SVEP1: variants seen among roughly 807,000 people sequenced by gnomAD.
SVEP1 encodes the protein sushi, von Willebrand factor type A, EGF and pentraxin domain containing 1.
A neutral mutation model predicts 367.3 loss-of-function variants in SVEP1; 164 were observed. That is an observed-to-expected ratio of 0.45 (90% CI 0.39 to 0.51). The LOEUF (loss-of-function observed/expected upper bound fraction) is 0.51. SVEP1 is among the 20% of genes least tolerant of loss of function. SVEP1 has a pLI of 0.00. For missense variants in SVEP1, 4,117 were observed against 4,425.3 expected, an observed-to-expected ratio of 0.93 and a Z score of 1.98; for synonymous variants, 1,666 against 1,611.6, an observed-to-expected ratio of 1.03 and a Z score of -0.81.
At chr9:110,556,105 C>T (rs1037760425) in intron 1 of SVEP1, among the ~76,000 whole-genome samples, 1 of 152,138 alleles carries the variant, frequency 6.6e-6, no homozygotes, top group Non-Finnish European at 1.5e-5. Flanking sequence ...AAGGTTATCA[C>T]CATCTGTATT....
intron 1 of SVEP1, among the ~76,000 whole-genome samples, chr9:110,562,440 T>G (rs1353431550): frequency 6.6e-6 from 1 of 152,150 alleles, no homozygotes; most frequent in Non-Finnish European, 1.5e-5. Flanking sequence ...AAATCAAAGA[T>G]ATTAGAGAAA....
At position 110,404,265 on chromosome 9, in the gene SVEP1, T is replaced by C. The variant is rs1045094192; in HGVS notation, c.9666+62A>G. 31 of 1,507,896 alleles carry C rather than the reference T, an allele frequency of 2.1e-5. 1 individual carries two copies. The African/African-American group carries it at 4.1e-4, about 20-fold the overall frequency. 93.4% of individuals were successfully genotyped at this position (1,507,896 alleles called of 1,614,324 possible). On this transcript the variant is annotated intron_variant, in intron 39 of 47. Coordinates refer to ENST00000374469, the MANE Select transcript of SVEP1 (RefSeq NM_153366.4). ...TTTTTGGGATTACTATTATAGATAC[T>C]GCTTGCTTGGCAATATATGTATATG...
intron 1 of SVEP1, among the ~76,000 whole-genome samples, chr9:110,552,175 G>A (rs1443388861): frequency 6.6e-6 from 1 of 151,820 alleles, no homozygotes; most frequent in Non-Finnish European, 1.5e-5. Context: ...GGGACTACAG[G>A]CACATACCAC....
Position 110,400,857 on chromosome 9 carries a change from T to C in SVEP1, c.9819A>G (p.Leu3273=), listed in dbSNP as rs781610300. ...IIYQCEPGYE[L]EGNRERVCQE... ...GTTAAACAATTTGTTCGCTTACCTC[T>C]AGTTCATAGCCAGGCTCACACTGAT... The change falls in exon 40 of 48, where the codon CTA becomes CTG. Residue 3273 remains leucine (L), a synonymous_variant. Transcript: ENST00000374469. 6.2e-6 allele frequency: 10 copies of C among 1,611,370 alleles called. No individual in the cohort carries two copies. Among genetic ancestry groups the C allele is most frequent in the Non-Finnish European group, 7.6e-6 (9 of 1,179,044 alleles).
Position 110,406,515 on chromosome 9 carries a change from G to C in SVEP1, c.9085C>G (p.Arg3029Gly), listed in dbSNP as rs780874191. ...GTDFDCGKAARIQCFKGFKLL... is the reference protein window; with the variant it reads ...GTDFDCGKAAGIQCFKGFKLL... ...TTGAAGCCTTTGAAGCACTGAATCCGGGCTGCCTTTCCACAGTCAAAATCT... is the reference window on the plus strand; with the variant it reads ...TTGAAGCCTTTGAAGCACTGAATCCCGGCTGCCTTTCCACAGTCAAAATCT... Residue 3029 changes from arginine (R) to glycine (G), a missense_variant, in exon 38 of 48, where the codon CGG (arginine) becomes GGG (glycine). Physicochemically the swap from Arg to Gly is moderately radical, Grantham distance 125. Around this residue, in one of 4 missense-constraint regions of SVEP1, gnomAD observed 1,765 missense variants for 1,781.1 expected, o/e 0.99. Coordinates refer to ENST00000374469, the MANE Select transcript of SVEP1 (RefSeq NM_153366.4). 19 of 1,613,614 alleles carry C rather than the reference G, an allele frequency of 1.2e-5. No homozygotes were observed. Among genetic ancestry groups the C allele is most frequent in the Non-Finnish European group, 1.6e-5 (19 of 1,179,810 alleles).
intron 4 of SVEP1, 58 bp downstream of exon 4, chr9:110,513,890 A>G (rs1829759709): frequency 4.5e-6 from 7 of 1,541,628 alleles, no homozygotes; most frequent in Admixed American, 1.9e-5. Flanking sequence ...CACAAGCACT[A>G]TTTCTCTCAG....
At chr9:110,550,478 TTATCTATCTATCTATCTATCTATC>T (rs10550734) in intron 1 of SVEP1, among the ~76,000 whole-genome samples, 1 of 148,844 alleles carries the variant, frequency 6.7e-6, no homozygotes, top group East Asian at 2.0e-4. Flanking sequence ...ATTCCACAAA[TTATCTATCTATCTATCTATCTATC>T]TATCTATCTA....
intron 16 of SVEP1, among the ~76,000 whole-genome samples, chr9:110,469,354 T>C (rs1349621745): frequency 6.6e-6 from 1 of 152,156 alleles, no homozygotes; most frequent in Non-Finnish European, 1.5e-5. Flanking sequence ...GCTTATATAA[T>C]GGGGGTTTAA....
chr9:110,399,533 TTTTTTG>T (rs1247955738), intron 40 of SVEP1, among the ~76,000 whole-genome samples: 9 of 152,014 alleles, frequency 5.9e-5, no homozygotes, highest in Admixed American at 2.6e-4. Flanking sequence ...GATGAATACT[TTTTTTG>T]TTTTTGTTTT....
intron 1 of SVEP1, among the ~76,000 whole-genome samples, chr9:110,559,667 A>C (rs188407793): frequency 6.6e-6 from 1 of 152,134 alleles, no homozygotes; most frequent in Non-Finnish European, 1.5e-5. Context: ...AAGCCTTAAA[A>C]TTTTCACATG....
chr9:110,514,143 G>T (rs901884386), intron 3 of SVEP1, 37 bp from the exon 4 acceptor site: 4 of 1,594,062 alleles, frequency 2.5e-6, no homozygotes, highest in Non-Finnish European at 3.4e-6. Context: ...CATGTTATGT[G>T]GCACATCAGC....
chr9:110,390,241 G>GTATATATACTTATATATATACATACT (rs1564127391), intron 40 of SVEP1, among the ~76,000 whole-genome samples: 1 of 52,646 alleles, frequency 1.9e-5, no homozygotes, highest in Non-Finnish European at 3.7e-5. Flanking sequence ...ATAAGTATGT[G>GTATATATACTTATATATATACATACT]TATATATACT....
At chr9:110,400,370 CT>C (rs112666557) in intron 40 of SVEP1, among the ~76,000 whole-genome samples, 26 of 147,090 alleles carry the variant, frequency 1.8e-4, no homozygotes, top group East Asian at 5.9e-4. Context: ...ACTTATTTTG[CT>C]TTTTTTTTTT....
At chr9:110,506,763 G>C (rs1003795889) in intron 5 of SVEP1, among the ~76,000 whole-genome samples, 1 of 151,990 alleles carries the variant, frequency 6.6e-6, no homozygotes, top group East Asian at 1.9e-4. Context: ...AGGGAGGAGC[G>C]TAAAGGAGAA....
chr9:110,365,380 G>A lies in SVEP1; in HGVS notation c.*1159C>T, dbSNP rs1827182567. 1 of 152,210 alleles carries A rather than the reference G, an allele frequency of 6.6e-6. No homozygotes were observed. Among genetic ancestry groups the A allele is most frequent in the Non-Finnish European group, 1.5e-5 (1 of 68,050 alleles). 9.4% of individuals were successfully genotyped at this position (152,210 alleles called of 1,614,324 possible). A position where few individuals can be genotyped will look rare whatever the true frequency, so the allele number is the denominator to read the frequency against. On this transcript the variant is annotated 3_prime_UTR_variant, in exon 48 of 48. Transcript: ENST00000374469. Reference sequence around the variant, plus strand: ...TGAGGGATGCCTACGGTAGTGAAGAGAACCACTAGGAGAATCAAGATCTCT... The same window carrying A: ...TGAGGGATGCCTACGGTAGTGAAGAAAACCACTAGGAGAATCAAGATCTCT...
At chr9:110,572,189 T>C (rs1249074220) in intron 1 of SVEP1, among the ~76,000 whole-genome samples, 3 of 152,216 alleles carry the variant, frequency 2.0e-5, no homozygotes, top group Admixed American at 6.5e-5. Context: ...TACTTAGCTA[T>C]GTGATTTGTG....
chr9:110,572,687 CCTTGTCTCTACTAAAAATACAAAA>C (rs1304933424), intron 1 of SVEP1, among the ~76,000 whole-genome samples: 19 of 149,830 alleles, frequency 1.3e-4, no homozygotes, highest in African/African-American at 3.7e-4. Flanking sequence ...CATGGCGAAA[CCTTGTCTCTACTAAAAATACAAAA>C]TTTAGTCAGG....
intron 1 of SVEP1, among the ~76,000 whole-genome samples, chr9:110,575,177 A>T (rs1830612263): frequency 6.6e-6 from 1 of 152,220 alleles, no homozygotes; most frequent in South Asian, 2.1e-4. Flanking sequence ...TTACAAATGG[A>T]TCCAGGCTGA....
chr9:110,480,185 T>C (rs144354834), intron 12 of SVEP1, among the ~76,000 whole-genome samples: 119 of 152,308 alleles, frequency 7.8e-4, no homozygotes, highest in African/African-American at 2.7e-3. Flanking sequence ...GCAATCATAT[T>C]CCTTGAAAGT....
Sources: gnomAD v4.1 joint callset for allele counts (sites outside exome capture counted in the v4.1 genomes callset) on GRCh38, gnomAD v4.1.1 for gene constraint, gnomAD v4.1.1 regional missense constraint, MANE v1.5 for transcripts, NCBI Gene and HGNC (gene_info 2026-07-23, HGNC 2026-07-21) for gene names.